STK10: variants seen among roughly 807,000 people sequenced by gnomAD.
The protein encoded by STK10 is serine/threonine kinase 10.
A neutral mutation model predicts 113.8 loss-of-function variants in STK10; 78 were observed. The observed-to-expected ratio is 0.69, with a 90% confidence interval of 0.57 to 0.83. The LOEUF is 0.83. Ranked by LOEUF, STK10 falls within the 40% of genes least tolerant of loss-of-function variation. STK10 has a pLI of 0.00. For missense variants in STK10, 1,109 were observed against 1,280.1 expected, an observed-to-expected ratio of 0.87 and a Z score of 2.04; for synonymous variants, 465 against 494.7, an observed-to-expected ratio of 0.94 and a Z score of 0.80.
chr5:172,172,500 T>C (rs1770679082), intron 1 of STK10, among the ~76,000 whole-genome samples: 1 of 152,226 alleles, frequency 6.6e-6, no homozygotes, highest in Non-Finnish European at 1.5e-5. Flanking sequence ...CTGTGTGTCC[T>C]TGGCACTGGC....
At chr5:172,144,808 C>T (rs1048140764) in intron 2 of STK10, among the ~76,000 whole-genome samples, 5 of 152,040 alleles carry the variant, frequency 3.3e-5, no homozygotes, top group African/African-American at 9.7e-5. Context: ...GGAGTCCTGC[C>T]GAGGCAAAGG....
At position 172,152,250 on chromosome 5, in the gene STK10, G is replaced by A. The variant is rs151056487; in HGVS notation, c.321+4374C>T. 6.6e-5 allele frequency among the ~76,000 whole-genome samples: 10 copies of A among 152,332 alleles called. No individual in the cohort carries two copies. The East Asian group carries it at 1.9e-3, about 29-fold the overall frequency. On this transcript the variant is annotated intron_variant, in intron 2 of 18. Transcript: ENST00000176763. The stretch of plus-strand genomic sequence containing the variant: ...CCTTCCCAACTCTGTTAATGACATC[G>A]AGTTGGTAGCTTGAAACTGATCAGG...
intron 2 of STK10, among the ~76,000 whole-genome samples, chr5:172,130,813 C>CATGAAGA (rs1166083299): frequency 1.3e-5 from 2 of 152,130 alleles, no homozygotes; most frequent in African/African-American, 4.8e-5. Context: ...ACAAAAGCCA[C>CATGAAGA]ACAGTTAATA....
At chr5:172,096,810 C>T (rs1225787548) in intron 7 of STK10, among the ~76,000 whole-genome samples, 1 of 152,188 alleles carries the variant, frequency 6.6e-6, no homozygotes, top group Admixed American at 6.5e-5. Flanking sequence ...GCCACAGGCT[C>T]CTCATCTCTC....
At chr5:172,152,389 G>T (rs1372652563) in intron 2 of STK10, among the ~76,000 whole-genome samples, 2 of 152,206 alleles carry the variant, frequency 1.3e-5, no homozygotes, top group African/African-American at 4.8e-5. Context: ...CCCGGCCATT[G>T]AAAGATTTGC....
intron 5 of STK10, among the ~76,000 whole-genome samples, chr5:172,107,469 T>C (rs1769140630): frequency 6.6e-6 from 1 of 152,242 alleles, no homozygotes; most frequent in Non-Finnish European, 1.5e-5. Flanking sequence ...ACGTGGCGAA[T>C]AAATCACGAA....
chr5:172,053,170 A>G, intron 17 of STK10, 128 bp from the exon 18 acceptor site: 1 of 702,464 alleles, frequency 1.4e-6, no homozygotes, highest in Non-Finnish European at 2.4e-6. Context: ...TTGACTATAA[A>G]TCCCATTTAT....
intron 8 of STK10, among the ~76,000 whole-genome samples, chr5:172,094,779 T>C (rs1039155419): frequency 9.2e-5 from 14 of 152,196 alleles, no homozygotes; most frequent in African/African-American, 3.4e-4. Context: ...TTTTAAAAAA[T>C]CATATAAAGG....
At chr5:172,131,043 T>TG (rs1769745154) in intron 2 of STK10, among the ~76,000 whole-genome samples, 3 of 148,502 alleles carry the variant, frequency 2.0e-5, no homozygotes, top group Admixed American at 1.3e-4. Context: ...TTTTTTTTTT[T>TG]TTTTTTTTTT....
chr5:172,108,007 C>T (rs1769154665), intron 4 of STK10, 155 bp from the exon 5 acceptor site: 1 of 626,240 alleles, frequency 1.6e-6, no homozygotes. Context: ...CTATCTGCTG[C>T]TGAGAGGAAG....
At chr5:172,153,727 G>C (rs116546595) in intron 2 of STK10, among the ~76,000 whole-genome samples, 1 of 152,230 alleles carries the variant, frequency 6.6e-6, no homozygotes, top group Non-Finnish European at 1.5e-5. Context: ...CACAAGATGC[G>C]CCTGAGAACC....
At chr5:172,170,880 G>C (rs1482229185) in intron 1 of STK10, among the ~76,000 whole-genome samples, 2 of 152,236 alleles carry the variant, frequency 1.3e-5, no homozygotes, top group Non-Finnish European at 2.9e-5. Flanking sequence ...ACCCAGAGGA[G>C]GACAGTGAGA....
intron 4 of STK10, among the ~76,000 whole-genome samples, chr5:172,109,205 C>T (rs550801148): frequency 6.6e-6 from 1 of 152,294 alleles, no homozygotes; most frequent in East Asian, 1.9e-4. Context: ...AAAATACACA[C>T]TGAACTGACT....
At chr5:172,144,507 T>A (rs6899139) in intron 2 of STK10, among the ~76,000 whole-genome samples, 65,838 of 151,982 alleles carry the variant, frequency 0.43, 14,552 homozygotes, top group Non-Finnish European at 0.48. Context: ...TTAGCATATC[T>A]GCAGCCAGCT....
At chr5:172,058,289 A>G (rs4379217) in intron 14 of STK10, among the ~76,000 whole-genome samples, 27,248 of 152,160 alleles carry the variant, frequency 0.18, 3,770 homozygotes, top group African/African-American at 0.39. Flanking sequence ...TGTAAATAGG[A>G]CGGTTCTTAC....
chr5:172,121,116 C>T (rs534912266), intron 3 of STK10, among the ~76,000 whole-genome samples: 1 of 151,296 alleles, frequency 6.6e-6, no homozygotes, highest in African/African-American at 2.4e-5. Flanking sequence ...GCAACCTCCA[C>T]CTCCTAGGTT....
At chr5:172,064,650 G>C in intron 13 of STK10, 70 bp downstream of exon 13, 2 of 1,529,434 alleles carry the variant, frequency 1.3e-6, no homozygotes, top group Non-Finnish European at 9.0e-7. Context: ...CAAAGGCAGA[G>C]AGGGGGCCTG....
At chr5:172,131,674 TC>T (rs1769760019) in intron 2 of STK10, among the ~76,000 whole-genome samples, 1 of 152,234 alleles carries the variant, frequency 6.6e-6, no homozygotes, top group African/African-American at 2.4e-5. Context: ...CTTCAGCTTA[TC>T]AGTGGCAGGA....
intron 2 of STK10, among the ~76,000 whole-genome samples, chr5:172,143,706 T>C (rs781638320): frequency 6.6e-6 from 1 of 152,162 alleles, no homozygotes; most frequent in Non-Finnish European, 1.5e-5. Flanking sequence ...AATAAGGTCA[T>C]TTGCAACATG....
Sources: gnomAD v4.1 joint callset for allele counts (sites outside exome capture counted in the v4.1 genomes callset) on GRCh38, gnomAD v4.1.1 for gene constraint, MANE v1.5 for transcripts, NCBI Gene and HGNC (gene_info 2026-07-23, HGNC 2026-07-21) for gene names.